The following SLC24A2 variants were observed in gnomAD, a reference collection of about 807,000 sequenced individuals.
SLC24A2 encodes the protein solute carrier family 24 member 2, also known as sodium/potassium/calcium exchanger 2.
A neutral mutation model predicts 62.0 loss-of-function variants in SLC24A2; 36 were observed. The observed-to-expected ratio is 0.58, with a 90% confidence interval of 0.44 to 0.77. The LOEUF (loss-of-function observed/expected upper bound fraction) is 0.77, where lower values mean the gene tolerates loss of function less well. Among genes scored for constraint, SLC24A2 ranks in the 30% least tolerant of loss-of-function variants. SLC24A2 has a pLI of 0.00. For missense variants in SLC24A2, 846 were observed against 817.9 expected, an observed-to-expected ratio of 1.03 and a Z score of -0.42; for synonymous variants, 358 against 294.0, an observed-to-expected ratio of 1.22 and a Z score of -2.23.
At chr9:19,617,417 C>T (rs1817796846) in intron 4 of SLC24A2, among the ~76,000 whole-genome samples, 1 of 152,064 alleles carries the variant, frequency 6.6e-6, no homozygotes, top group Non-Finnish European at 1.5e-5. Flanking sequence ...ATCCTATCAG[C>T]AAAATTTTTA....
chr9:20,248,815 T>C, the SLC24A2 span, among the ~76,000 whole-genome samples: 1 of 152,232 alleles, frequency 6.6e-6, no homozygotes, highest in Non-Finnish European at 1.5e-5. Context: ...TGTTAGCATT[T>C]ACTTCTCCGG....
chr9:19,834,078 G>A, the SLC24A2 span, among the ~76,000 whole-genome samples: 4 of 152,050 alleles, frequency 2.6e-5, no homozygotes, highest in African/African-American at 4.8e-5. Context: ...CCATCTGTAC[G>A]TCACCATCAT....
At chr9:19,593,413 G>T (rs569144648) in intron 5 of SLC24A2, among the ~76,000 whole-genome samples, 306 of 152,258 alleles carry the variant, frequency 2.0e-3, no homozygotes, top group Non-Finnish European at 2.8e-3. Context: ...GTGGCCTCGG[G>T]AGCTGCTCCA....
At chr9:20,073,201 G>A in the SLC24A2 span, among the ~76,000 whole-genome samples, 1 of 152,114 alleles carries the variant, frequency 6.6e-6, no homozygotes, top group Non-Finnish European at 1.5e-5. Flanking sequence ...ATCATCTGTG[G>A]CTTAGGATTC....
At chr9:20,230,788 T>G in the SLC24A2 span, among the ~76,000 whole-genome samples, 1 of 152,224 alleles carries the variant, frequency 6.6e-6, no homozygotes, top group Non-Finnish European at 1.5e-5. Context: ...TTTTGGTGTT[T>G]TAGACATGAA....
chr9:20,271,479 T>C, the SLC24A2 span, among the ~76,000 whole-genome samples: 1 of 151,774 alleles, frequency 6.6e-6, no homozygotes, highest in Non-Finnish European at 1.5e-5. Context: ...TTATTTTTTC[T>C]GCTTATACTC....
At chr9:19,946,308 T>C in the SLC24A2 span, among the ~76,000 whole-genome samples, 1 of 152,158 alleles carries the variant, frequency 6.6e-6, no homozygotes, top group African/African-American at 2.4e-5. Context: ...AAACCTCTGG[T>C]CTTCATTTAG....
the SLC24A2 span, among the ~76,000 whole-genome samples, chr9:19,841,433 C>G: frequency 6.6e-6 from 1 of 152,156 alleles, no homozygotes; most frequent in African/African-American, 2.4e-5. Flanking sequence ...TGAAACCCTT[C>G]AGGCAGACAC....
At chr9:20,090,380 T>A in the SLC24A2 span, among the ~76,000 whole-genome samples, 2 of 152,140 alleles carry the variant, frequency 1.3e-5, no homozygotes, top group Admixed American at 6.5e-5. Flanking sequence ...GTGGGTAGCC[T>A]GGGAGTGCCA....
chr9:19,671,772 TGGA>T (rs1819424492), intron 2 of SLC24A2, among the ~76,000 whole-genome samples: 1 of 145,622 alleles, frequency 6.9e-6, no homozygotes, highest in African/African-American at 2.8e-5. Flanking sequence ...AAATAGATGC[TGGA>T]TTTTGTCAAA....
chr9:20,009,067 C>A, the SLC24A2 span, among the ~76,000 whole-genome samples: 1 of 152,154 alleles, frequency 6.6e-6, no homozygotes. Context: ...CTTCCTTAAG[C>A]TAGCATAGTG....
chr9:19,963,169 A>G, the SLC24A2 span, among the ~76,000 whole-genome samples: 97 of 141,776 alleles, frequency 6.8e-4, no homozygotes, highest in African/African-American at 2.4e-3. Flanking sequence ...AGCCATATGT[A>G]GAAAGCTGAA....
intron 8 of SLC24A2, among the ~76,000 whole-genome samples, chr9:19,545,332 C>A (rs1586930642): frequency 6.6e-6 from 1 of 151,970 alleles, no homozygotes; most frequent in Non-Finnish European, 1.5e-5. Flanking sequence ...TTCGCGTAAC[C>A]TTTTTTCAAG....
intron 7 of SLC24A2, among the ~76,000 whole-genome samples, chr9:19,568,465 G>A (rs942657182): frequency 6.6e-6 from 1 of 152,196 alleles, no homozygotes; most frequent in African/African-American, 2.4e-5. Flanking sequence ...CATTAAAAAT[G>A]TTACTCAGTA....
At chr9:20,020,348 A>T in the SLC24A2 span, among the ~76,000 whole-genome samples, 11 of 152,146 alleles carry the variant, frequency 7.2e-5, no homozygotes, top group Non-Finnish European at 1.3e-4. Flanking sequence ...TAGACTGGAT[A>T]AAGAAAATGT....
At chr9:20,090,210 G>C in the SLC24A2 span, among the ~76,000 whole-genome samples, 1 of 152,164 alleles carries the variant, frequency 6.6e-6, no homozygotes, top group African/African-American at 2.4e-5. Flanking sequence ...CCCCCATCCA[G>C]GGCTGATTGT....
chr9:19,994,482 G>A, the SLC24A2 span, among the ~76,000 whole-genome samples: 1 of 152,104 alleles, frequency 6.6e-6, no homozygotes, highest in Non-Finnish European at 1.5e-5. Flanking sequence ...GGGCACCTGT[G>A]GGTCTAGCAG....
At chr9:20,023,078 A>G in the SLC24A2 span, among the ~76,000 whole-genome samples, 1 of 152,228 alleles carries the variant, frequency 6.6e-6, no homozygotes, top group African/African-American at 2.4e-5. Context: ...ATTGCCATTT[A>G]GACACTGAGC....
the SLC24A2 span, among the ~76,000 whole-genome samples, chr9:20,180,015 A>C: frequency 6.6e-6 from 1 of 152,178 alleles, no homozygotes; most frequent in African/African-American, 2.4e-5. Context: ...ATTGTGCTCC[A>C]GATGTCCCAT....
Sources: gnomAD v4.1 joint callset for allele counts (sites outside exome capture counted in the v4.1 genomes callset) on GRCh38, gnomAD v4.1.1 for gene constraint, MANE v1.5 for transcripts, NCBI Gene and HGNC (gene_info 2026-07-23, HGNC 2026-07-21) for gene names.